PRKCH: variants seen among roughly 807,000 people sequenced by gnomAD.
The protein encoded by PRKCH is protein kinase C eta type.
PRKCH carries 28 observed loss-of-function variants against 82.5 expected under a neutral mutation model. The ratio of observed to expected loss-of-function variants is 0.34; its 90% CI spans 0.25 to 0.47. The LOEUF (loss-of-function observed/expected upper bound fraction) is 0.47, where lower values mean the gene tolerates loss of function less well. PRKCH is among the 20% of genes least tolerant of loss of function. PRKCH has a pLI of 1.00. For missense variants in PRKCH, 705 were observed against 881.8 expected (o/e 0.80, Z 2.54); for synonymous variants, 322 against 327.4 (o/e 0.98, Z 0.18).
chr14:61,308,526 G>T (rs1038876902), intron 1 of PRKCH, among the ~76,000 whole-genome samples: 1 of 152,126 alleles, frequency 6.6e-6, no homozygotes, highest in Admixed American at 6.5e-5. Context: ...CTTATCATCT[G>T]CCTTTATTTT....
chr14:61,214,682 C>T (rs1395448456), intron 1 of PRKCH, among the ~76,000 whole-genome samples: 2 of 152,104 alleles, frequency 1.3e-5, no homozygotes, highest in Non-Finnish European at 2.9e-5. Flanking sequence ...CATCTGACCC[C>T]TCTTTCTCTC....
chr14:61,235,446 G>A (rs1477093612), intron 1 of PRKCH, among the ~76,000 whole-genome samples: 1 of 152,168 alleles, frequency 6.6e-6, no homozygotes, highest in Non-Finnish European at 1.5e-5. Context: ...GTTTCATTTA[G>A]GACTATCAAA....
intron 10 of PRKCH, among the ~76,000 whole-genome samples, chr14:61,488,632 A>G (rs1190302348): frequency 6.6e-6 from 1 of 152,182 alleles, no homozygotes; most frequent in Non-Finnish European, 1.5e-5. Flanking sequence ...ATTCCTGAAA[A>G]TAAGGTAGAG....
intron 1 of PRKCH, among the ~76,000 whole-genome samples, chr14:61,232,017 A>G (rs1381143262): frequency 2.0e-5 from 3 of 152,148 alleles, no homozygotes; most frequent in Non-Finnish European, 2.9e-5. Context: ...AGATCCCACA[A>G]GTTGAGGGTT....
At chr14:61,364,283 A>T (rs2046270522) in intron 1 of PRKCH, among the ~76,000 whole-genome samples, 1 of 151,792 alleles carries the variant, frequency 6.6e-6, no homozygotes, top group South Asian at 2.1e-4. Context: ...AAGAGAATGG[A>T]GACTGTTTGG....
intron 1 of PRKCH, among the ~76,000 whole-genome samples, chr14:61,381,254 C>T (rs1236811880): frequency 6.6e-6 from 1 of 152,156 alleles, no homozygotes; most frequent in Non-Finnish European, 1.5e-5. Flanking sequence ...TCTGACCTCA[C>T]ATAGGATCCG....
At chr14:61,416,048 C>CTTT (rs1882532838) in intron 2 of PRKCH, among the ~76,000 whole-genome samples, 1 of 91,240 alleles carries the variant, frequency 1.1e-5, no homozygotes, top group Non-Finnish European at 2.2e-5. Flanking sequence ...CTTTTCTTTT[C>CTTT]TTTTCTTTTT....
chr14:61,329,705 T>C (rs1412152076), intron 1 of PRKCH, among the ~76,000 whole-genome samples: 2 of 152,210 alleles, frequency 1.3e-5, no homozygotes. Flanking sequence ...GGTCTCATTA[T>C]GGGCATTAAT....
chr14:61,543,802 A>C (rs1030543419), intron 12 of PRKCH: 1 of 152,270 alleles, frequency 6.6e-6, no homozygotes, highest in Non-Finnish European at 1.5e-5. Flanking sequence ...CACCATTCAC[A>C]GCAGTAGGAA....
chr14:61,344,574 C>G (rs1361435799), intron 1 of PRKCH, among the ~76,000 whole-genome samples: 3 of 152,104 alleles, frequency 2.0e-5, no homozygotes, highest in African/African-American at 7.2e-5. Flanking sequence ...GTGACCAGAC[C>G]TGTTCTTTTA....
At position 61,321,919 on chromosome 14, in the gene PRKCH, A is replaced by C; in HGVS notation, c.-183A>C. On this transcript the variant is annotated 5_prime_UTR_variant, in exon 1 of 14. Transcript: ENST00000332981. This position sits in a 1 kb window ranked among gnomAD's most constrained non-coding sequence, Gnocchi z 4.1. ...TCCTTTCCACCTCGGGAGGGAGGGA[A>C]GGAGGGGAGGGAAAAGTCCCACGGA... 138 of 529,428 alleles carry C rather than the reference A, an allele frequency of 2.6e-4. No individual in the cohort carries two copies. Among genetic ancestry groups the C allele is most frequent in the East Asian group, 3.8e-4 (11 of 29,146 alleles). 32.8% of individuals were successfully genotyped at this position (529,428 alleles called of 1,614,324 possible).
At chr14:61,270,834 T>C (rs2045145439) in intron 1 of PRKCH, among the ~76,000 whole-genome samples, 1 of 152,104 alleles carries the variant, frequency 6.6e-6, no homozygotes, top group East Asian at 1.9e-4. Flanking sequence ...ATTAGCTGGG[T>C]GTGATGGCAT....
chr14:61,538,760 TTTG>T (rs1566934825), intron 12 of PRKCH, among the ~76,000 whole-genome samples: 1 of 152,208 alleles, frequency 6.6e-6, no homozygotes, highest in Non-Finnish European at 1.5e-5. Flanking sequence ...TTGTTTTTTG[TTTG>T]TTTGTCCTTG....
At chr14:61,526,664 A>G (rs1469097986) in intron 10 of PRKCH, among the ~76,000 whole-genome samples, 1 of 152,236 alleles carries the variant, frequency 6.6e-6, no homozygotes, top group African/African-American at 2.4e-5. Flanking sequence ...ATGCAGGCCA[A>G]CAGACCTTGA....
intron 1 of PRKCH, among the ~76,000 whole-genome samples, chr14:61,210,519 G>C (rs924915611): frequency 6.6e-6 from 1 of 152,076 alleles, no homozygotes; most frequent in Non-Finnish European, 1.5e-5. Flanking sequence ...CTCCCCTGAA[G>C]ATTTTGATTC....
intron 2 of PRKCH, among the ~76,000 whole-genome samples, chr14:61,414,847 T>C (rs1304121023): frequency 6.6e-6 from 1 of 152,222 alleles, no homozygotes; most frequent in East Asian, 1.9e-4. Context: ...ATGTTGAATA[T>C]AATGAATAAA....
chr14:61,542,269 A>G (rs1011050182), intron 12 of PRKCH, among the ~76,000 whole-genome samples: 1 of 152,016 alleles, frequency 6.6e-6, no homozygotes, highest in African/African-American at 2.4e-5. Flanking sequence ...TCCAGCCTAG[A>G]CAGCAAGAGC....
chr14:61,243,138 T>C (rs571655832), intron 1 of PRKCH, among the ~76,000 whole-genome samples: 16 of 152,160 alleles, frequency 1.1e-4, no homozygotes, highest in Admixed American at 3.3e-4. Flanking sequence ...TTCACGCCTG[T>C]AATCTCAGCA....
At chr14:61,189,509 T>TCC (rs2044393598) in intron 1 of PRKCH, among the ~76,000 whole-genome samples, 2 of 151,806 alleles carry the variant, frequency 1.3e-5, no homozygotes, top group South Asian at 4.2e-4. Flanking sequence ...GTTATCTCTC[T>TCC]CTCTCTCTCT....
Sources: gnomAD v4.1 joint callset for allele counts (sites outside exome capture counted in the v4.1 genomes callset) on GRCh38, gnomAD v4.1.1 for gene constraint, Gnocchi (gnomAD v3.1) non-coding constraint, MANE v1.5 for transcripts, NCBI Gene and HGNC (gene_info 2026-07-23, HGNC 2026-07-21) for gene names.